The following NDRG4 variants were observed in gnomAD, a reference collection of about 807,000 sequenced individuals.
The protein encoded by NDRG4 is protein NDRG4.
NDRG4 carries 38 observed loss-of-function variants against 55.8 expected under a neutral mutation model. The observed-to-expected ratio is 0.68, with a 90% CI of 0.53 to 0.89. The LOEUF is 0.89. Among genes scored for constraint, NDRG4 ranks in the 40% least tolerant of loss-of-function variants. The probability of loss-of-function intolerance (pLI) is 0.00; values close to 1 mark genes in which losing one functional copy is unlikely to be tolerated. For synonymous variants in NDRG4, 190 were observed against 182.7 expected, an observed-to-expected ratio of 1.04 and a Z score of -0.32; for missense variants, 455 against 468.6, an observed-to-expected ratio of 0.97 and a Z score of 0.27.
chr16:58,487,857 T>TG (rs1348201939), intron 2 of NDRG4: 2 of 1,529,958 alleles, frequency 1.3e-6, no homozygotes, highest in African/African-American at 1.4e-5. Flanking sequence ...GCTGGTGAGT[T>TG]GGAGTCGCGC....
At chr16:58,506,152 G>A (rs1245972285) in intron 5 of NDRG4, 3 of 598,996 alleles carry the variant, frequency 5.0e-6, no homozygotes, top group Non-Finnish European at 9.0e-6. Context: ...GTGTGTGTGT[G>A]TGTGTCTGTG....
intron 2 of NDRG4, among the ~76,000 whole-genome samples, chr16:58,488,842 C>T (rs907332406): frequency 1.7e-4 from 26 of 152,158 alleles, no homozygotes; most frequent in African/African-American, 5.8e-4. Context: ...AGGGCAGCCA[C>T]GGATAAGCTG....
intron 5 of NDRG4, chr16:58,505,956 A>C (rs1597317949): frequency 6.5e-6 from 2 of 306,730 alleles, no homozygotes; most frequent in East Asian, 2.3e-4. Context: ...GCCTGACCTC[A>C]GGTGATCAGC....
At chr16:58,465,092 G>GGC in intron 1 of NDRG4, 2 of 1,201,782 alleles carry the variant, frequency 1.7e-6, no homozygotes, top group South Asian at 2.6e-5. Context: ...GAGCAGGGAC[G>GGC]GGGGGGAGGA....
chr16:58,501,122 A>C (rs1165393678), intron 1 of NDRG4: 2 of 1,176,534 alleles, frequency 1.7e-6, no homozygotes. Flanking sequence ...GCAGGGGCAG[A>C]CTCACCCCCA....
chr16:58,483,528 A>G (rs1179241984), intron 1 of NDRG4, among the ~76,000 whole-genome samples: 1 of 152,122 alleles, frequency 6.6e-6, no homozygotes. Flanking sequence ...GGGGCCTCTT[A>G]CATGTCTCTG....
chr16:58,509,270 T>C (rs769882301), intron 12 of NDRG4, 31 bp from the exon 13 acceptor site: 1 of 1,614,006 alleles, frequency 6.2e-7, no homozygotes, highest in African/African-American at 1.3e-5. Context: ...AGGCAGCCAA[T>C]GAAAGCATGT....
intron 1 of NDRG4, among the ~76,000 whole-genome samples, chr16:58,485,051 T>C (rs1171864190): frequency 6.6e-6 from 1 of 151,834 alleles, no homozygotes; most frequent in Non-Finnish European, 1.5e-5. Flanking sequence ...CCAGCTAATT[T>C]TTTTGTATTT....
Position 58,511,570 on chromosome 16 carries a change from C to A in NDRG4, c.1053C>A (p.Ser351=). Residue 351 remains serine (S), a synonymous_variant, in exon 15 of 15, where the codon TCC becomes TCA. Coordinates refer to ENST00000570248, the MANE Select transcript of NDRG4 (RefSeq NM_001242835.2). ...AGGTCAACCACACCATGGAGGTGTC[C>A]TGTTGAAGCCCTTGATCCCGCTGAC... ...LGQVNHTMEV[S]C 6.2e-7 allele frequency: 1 copy of A among 1,613,100 alleles called. No homozygotes were observed. The highest frequency in any genetic ancestry group is 1.1e-5 in the South Asian group (1 of 91,084).
At chr16:58,510,898 C>T in intron 14 of NDRG4, 1 of 600,692 alleles carries the variant, frequency 1.7e-6, no homozygotes, top group Non-Finnish European at 3.0e-6. Flanking sequence ...TCTAGGTTGT[C>T]ATGAGCTGCG....
chr16:58,482,086 A>T, intron 1 of NDRG4, among the ~76,000 whole-genome samples: 1 of 152,136 alleles, frequency 6.6e-6, no homozygotes, highest in East Asian at 1.9e-4. Context: ...AGGCCTGGAC[A>T]TGAGTCACAT....
chr16:58,504,668 CCATTA>C lies in NDRG4; in HGVS notation c.372+21_372+25del, dbSNP rs1184812432. On this transcript the variant is annotated intron_variant, in intron 5 of 14. Transcript: ENST00000570248. ...GTTTGCAGTGAGTCTCCCCATGCCC[CCATTA>C]CCCCAAACACCAGGGCAAGCCAGGG... The C allele has an allele frequency of 6.2e-7, 1 of 1,614,166 alleles. No homozygotes were observed. Among genetic ancestry groups the C allele is most frequent in the Admixed American group, 1.7e-5 (1 of 60,034 alleles).
At chr16:58,494,897 A>G in intron 2 of NDRG4, 1 of 1,402,434 alleles carries the variant, frequency 7.1e-7, no homozygotes, top group Non-Finnish European at 1.0e-6. Context: ...GAGTCTGCTA[A>G]GGCCCCACGG....
At chr16:58,505,162 A>T (rs1277722636) in intron 5 of NDRG4, among the ~76,000 whole-genome samples, 1 of 152,166 alleles carries the variant, frequency 6.6e-6, no homozygotes, top group African/African-American at 2.4e-5. Context: ...ATCCTGGCTA[A>T]CACGGTGAAA....
intron 1 of NDRG4, among the ~76,000 whole-genome samples, chr16:58,471,918 G>A (rs1481609607): frequency 6.6e-6 from 1 of 151,996 alleles, no homozygotes; most frequent in Non-Finnish European, 1.5e-5. Context: ...AGCAGGGAGT[G>A]GAAGAGTCCC....
At chr16:58,473,600 A>G (rs570405646) in intron 1 of NDRG4, among the ~76,000 whole-genome samples, 2 of 152,098 alleles carry the variant, frequency 1.3e-5, no homozygotes, top group Admixed American at 6.5e-5. Flanking sequence ...ATCCTTCCAT[A>G]GCTCCACCAA....
chr16:58,479,445 A>G (rs960415170), intron 1 of NDRG4, among the ~76,000 whole-genome samples: 51 of 152,190 alleles, frequency 3.4e-4, no homozygotes, highest in African/African-American at 1.2e-3. Context: ...TAGTGCACAC[A>G]TGGGTGTTTT....
chr16:58,510,753 A>T (rs1028160845), intron 14 of NDRG4, 70 bp downstream of exon 14: 1 of 1,383,060 alleles, frequency 7.2e-7, no homozygotes, highest in Non-Finnish European at 9.9e-7. Flanking sequence ...TCCTCTGCGC[A>T]GTGTGCTGCA....
intron 4 of NDRG4, 58 bp from the exon 5 acceptor site, chr16:58,504,531 T>G: frequency 6.2e-7 from 1 of 1,612,546 alleles, no homozygotes; most frequent in Non-Finnish European, 8.5e-7. Flanking sequence ...CTGCTCTGGA[T>G]GACATGTATG....
Sources: allele counts gnomAD v4.1 joint callset (sites outside exome capture counted in the v4.1 genomes callset), GRCh38; gene constraint gnomAD v4.1.1; transcripts MANE v1.5; gene names NCBI Gene and HGNC (gene_info 2026-07-23, HGNC 2026-07-21).